Variants in CSMD3 observed in about 807,000 individuals in gnomAD.
CSMD3 encodes the protein CUB and Sushi multiple domains 3.
Under a neutral mutation model 435.2 loss-of-function variants are expected in CSMD3, and 177 were observed. The ratio of observed to expected loss-of-function variants is 0.41; its 90% CI spans 0.36 to 0.46. The LOEUF is 0.46. CSMD3 is among the 20% of genes least tolerant of loss of function. The probability of loss-of-function intolerance (pLI) is 0.34; values close to 1 mark genes in which losing one functional copy is unlikely to be tolerated. For synonymous variants in CSMD3, 1,656 were observed against 1,520.5 expected (o/e 1.09, Z -2.07); for missense variants, 4,265 against 4,504.6 (o/e 0.95, Z 1.52).
At chr8:113,264,920 T>A (rs1287481483) in intron 3 of CSMD3, among the ~76,000 whole-genome samples, 1 of 151,604 alleles carries the variant, frequency 6.6e-6, no homozygotes, top group Non-Finnish European at 1.5e-5. Flanking sequence ...ATGGTCTGTA[T>A]ATCAGCTGAG....
intron 10 of CSMD3, among the ~76,000 whole-genome samples, chr8:112,906,565 A>C (rs2082269392): frequency 6.6e-6 from 1 of 151,498 alleles, no homozygotes; most frequent in East Asian, 2.0e-4. Flanking sequence ...GATAAGCATC[A>C]CTTAAGGTTT....
chr8:112,504,959 C>T (rs1822351443), intron 29 of CSMD3, among the ~76,000 whole-genome samples: 1 of 152,104 alleles, frequency 6.6e-6, no homozygotes, highest in African/African-American at 2.4e-5. Context: ...ACTATTTTGG[C>T]AAGTTTTATC....
chr8:112,328,202 C>T (rs1006044330), intron 45 of CSMD3, among the ~76,000 whole-genome samples: 4 of 152,148 alleles, frequency 2.6e-5, no homozygotes, highest in Non-Finnish European at 5.9e-5. Context: ...TGGGGGAGAA[C>T]AACCATTGAT....
Position 113,157,859 on chromosome 8 carries a change from C to T in CSMD3, c.709+15863G>A, listed in dbSNP as rs78259420. Among the ~76,000 whole-genome samples the T allele has an allele frequency of 9.6e-4, 146 of 152,094 alleles. 3 individuals carry two copies. In the East Asian group the frequency reaches 0.027, roughly 28 times the overall value. ...GAAGAGCAAAGAAATCAAATTTATG[C>T]TATTTTCTGAAAAGTTACAATGCTA... On this transcript the variant is annotated intron_variant, in intron 4 of 70. Transcript: ENST00000297405.
intron 1 of CSMD3, among the ~76,000 whole-genome samples, chr8:113,349,958 C>T (rs2132903200): frequency 6.6e-6 from 1 of 152,118 alleles, no homozygotes; most frequent in East Asian, 1.9e-4. Flanking sequence ...CATTCTGGGT[C>T]TACCTCTTGA....
In CSMD3 at chr8:112,295,813, C is replaced by G; in HGVS notation, c.8614+20G>C. ...TCCAAAGATCAGAGGTCTCTAATTG[C>G]TTTTGCCATGCTTACTTACGCACAC... On this transcript the variant is annotated intron_variant, in intron 54 of 70. Transcript: ENST00000297405. The G allele has an allele frequency of 3.1e-6, 5 of 1,611,784 alleles. No individual in the cohort carries two copies. Among genetic ancestry groups the G allele is most frequent in the Non-Finnish European group, 4.2e-6 (5 of 1,178,258 alleles).
chr8:113,268,813 T>A (rs2093494197), intron 3 of CSMD3, among the ~76,000 whole-genome samples: 1 of 152,126 alleles, frequency 6.6e-6, no homozygotes, highest in South Asian at 2.1e-4. Flanking sequence ...GGAAAAAATG[T>A]GGCATATGCA....
chr8:112,755,262 C>T (rs888388659), intron 13 of CSMD3, among the ~76,000 whole-genome samples: 3 of 151,636 alleles, frequency 2.0e-5, no homozygotes, highest in African/African-American at 7.3e-5. Context: ...ACCCGGGAAG[C>T]GGAGCTTGCA....
At chr8:113,403,880 T>C (rs984453087) in intron 1 of CSMD3, among the ~76,000 whole-genome samples, 3 of 151,552 alleles carry the variant, frequency 2.0e-5, no homozygotes, top group South Asian at 2.1e-4. Flanking sequence ...GTTTCATGTA[T>C]GGCCAAATCG....
At chr8:112,821,313 T>C (rs889633877) in intron 12 of CSMD3, among the ~76,000 whole-genome samples, 1 of 152,190 alleles carries the variant, frequency 6.6e-6, no homozygotes, top group Non-Finnish European at 1.5e-5. Context: ...CCAGTATCTA[T>C]TGTTTCTTGA....
chr8:112,375,173 T>A (rs1828825452), intron 38 of CSMD3, among the ~76,000 whole-genome samples: 1 of 152,146 alleles, frequency 6.6e-6, no homozygotes, highest in African/African-American at 2.4e-5. Flanking sequence ...TTTGATTGCT[T>A]GTTTTATAGA....
Position 112,306,005 on chromosome 8 carries a change from A to G in CSMD3, c.8071+2T>C, listed in dbSNP as rs999141157. The G allele has an allele frequency of 3.1e-6, 5 of 1,612,482 alleles. No individual in the cohort carries two copies. The highest frequency in any genetic ancestry group is 4.2e-6 in the Non-Finnish European group (5 of 1,178,564). Reference sequence around the variant, plus strand: ...GTGATGAAATTCCCTTGACACACATACCAACACAGCGAGGGGTCTTGTTAT... The same window carrying G: ...GTGATGAAATTCCCTTGACACACATGCCAACACAGCGAGGGGTCTTGTTAT... On this transcript the variant is annotated splice_donor_variant, in intron 51 of 70. Coordinates refer to ENST00000297405, the MANE Select transcript of CSMD3 (RefSeq NM_198123.2). LOFTEE classifies it high-confidence loss of function.
At chr8:112,808,864 T>G (rs2079155326) in intron 12 of CSMD3, among the ~76,000 whole-genome samples, 1 of 152,130 alleles carries the variant, frequency 6.6e-6, no homozygotes, top group African/African-American at 2.4e-5. Context: ...TGAATTAGTC[T>G]CAGAGTGTGG....
At chr8:112,395,417 A>C (rs1441982796) in intron 35 of CSMD3, among the ~76,000 whole-genome samples, 1 of 152,222 alleles carries the variant, frequency 6.6e-6, no homozygotes, top group East Asian at 1.9e-4. Context: ...TGGATAGATG[A>C]ATAAATGGAT....
chr8:112,980,882 G>A (rs551158130), intron 6 of CSMD3, among the ~76,000 whole-genome samples: 1 of 151,580 alleles, frequency 6.6e-6, no homozygotes, highest in South Asian at 2.1e-4. Context: ...ACTGGTAGAT[G>A]GGTGCAAACT....
At chr8:113,090,367 G>T (rs564553998) in intron 5 of CSMD3, among the ~76,000 whole-genome samples, 2 of 150,840 alleles carry the variant, frequency 1.3e-5, no homozygotes, top group East Asian at 1.9e-4. Flanking sequence ...GAAAAAATTT[G>T]AAATATTTGT....
intron 11 of CSMD3, among the ~76,000 whole-genome samples, chr8:112,856,319 G>C (rs2080657487): frequency 6.6e-6 from 1 of 151,794 alleles, no homozygotes; most frequent in African/African-American, 2.4e-5. Flanking sequence ...TCTGTAAACT[G>C]ATTAGTAATA....
intron 5 of CSMD3, among the ~76,000 whole-genome samples, chr8:113,035,354 A>C (rs1319718713): frequency 3.3e-5 from 5 of 152,010 alleles, no homozygotes; most frequent in Non-Finnish European, 1.5e-5. Flanking sequence ...AACATAGATG[A>C]ATCTCAAAAG....
intron 6 of CSMD3, among the ~76,000 whole-genome samples, chr8:113,010,019 G>A (rs2086200046): frequency 6.6e-6 from 1 of 151,462 alleles, no homozygotes; most frequent in Non-Finnish European, 1.5e-5. Context: ...TAATTTAATG[G>A]GGATAATTTT....
Sources: gnomAD v4.1 joint callset for allele counts (sites outside exome capture counted in the v4.1 genomes callset) on GRCh38, gnomAD v4.1.1 for gene constraint, MANE v1.5 for transcripts, NCBI Gene and HGNC (gene_info 2026-07-23, HGNC 2026-07-21) for gene names.